The following PCDHA7 variants were observed in gnomAD, a reference collection of about 807,000 sequenced individuals.
The protein encoded by PCDHA7 is protocadherin alpha 7.
A neutral mutation model predicts 57.2 loss-of-function variants in PCDHA7; 37 were observed. The observed-to-expected ratio is 0.65, with a 90% CI of 0.50 to 0.85. The LOEUF is 0.85. Among genes scored for constraint, PCDHA7 ranks in the 40% least tolerant of loss-of-function variants. The pLI, the probability that PCDHA7 is intolerant of heterozygous loss-of-function variation, is 0.00. For synonymous variants in PCDHA7, 553 were observed against 558.8 expected (o/e 0.99, Z 0.15); for missense variants, 1,188 against 1,241.8 (o/e 0.96, Z 0.65).
At chr5:140,862,980 C>T in intron 1 of PCDHA7, 1 of 545,508 alleles carries the variant, frequency 1.8e-6, no homozygotes, top group South Asian at 1.4e-5. Flanking sequence ...CACTTGGTGG[C>T]GAAGGTGCGC....
At chr5:140,982,602 G>A (rs1554244640) in intron 3 of PCDHA7, 39 bp downstream of exon 3, 2 of 1,607,914 alleles carry the variant, frequency 1.2e-6, no homozygotes, top group African/African-American at 2.7e-5. Context: ...CTTGGTTTCT[G>A]GAAAGTGATC....
rs2150240382 is a variant in PCDHA7 at position 140,835,640 on chromosome 5, C to T, written c.1257C>T (p.Ser419=). 4 of 1,613,770 alleles carry T rather than the reference C, an allele frequency of 2.5e-6. No individual in the cohort carries two copies. Among genetic ancestry groups the T allele is most frequent in the Admixed American group, 3.3e-5 (2 of 59,992 alleles). The part of the protein sequence containing the change: ...LDSALDRESV[S]AYELVVTARD... Reference sequence around the variant, plus strand: ...GCGCTCTGGACCGCGAGAGTGTGTCCGCCTATGAGCTGGTGGTTACCGCGC... The same window carrying T: ...GCGCTCTGGACCGCGAGAGTGTGTCTGCCTATGAGCTGGTGGTTACCGCGC... Residue 419 remains serine (S), a synonymous_variant, in exon 1 of 4, where the codon TCC becomes TCT. Transcript: ENST00000525929.
chr5:140,869,374 G>A, intron 1 of PCDHA7: 1 of 1,614,124 alleles, frequency 6.2e-7, no homozygotes, highest in Non-Finnish European at 8.5e-7. Context: ...TTCTCGGATC[G>A]ACCGCGAGGA....
At chr5:141,001,280 G>T (rs1308036863) in intron 3 of PCDHA7, among the ~76,000 whole-genome samples, 2 of 152,162 alleles carry the variant, frequency 1.3e-5, no homozygotes, top group South Asian at 2.1e-4. Context: ...TTTTTTTACG[G>T]ATGAAAACTG....
At chr5:140,953,331 A>G (rs2153698892) in intron 1 of PCDHA7, among the ~76,000 whole-genome samples, 1 of 152,248 alleles carries the variant, frequency 6.6e-6, no homozygotes, top group South Asian at 2.1e-4. Flanking sequence ...CATAGAATTT[A>G]GGGCTCACCT....
chr5:140,887,853 C>G (rs145942561), intron 1 of PCDHA7, among the ~76,000 whole-genome samples: 1 of 152,170 alleles, frequency 6.6e-6, no homozygotes, highest in African/African-American at 2.4e-5. Flanking sequence ...GACATATTTT[C>G]CAAGTTCACT....
intron 1 of PCDHA7, among the ~76,000 whole-genome samples, chr5:140,957,475 A>G (rs2095362490): frequency 6.6e-6 from 1 of 152,192 alleles, no homozygotes; most frequent in Non-Finnish European, 1.5e-5. Flanking sequence ...ATGTATAGGA[A>G]AAAACATAGT....
At chr5:140,884,281 G>C in intron 1 of PCDHA7, 4 of 1,613,614 alleles carry the variant, frequency 2.5e-6, no homozygotes, top group Non-Finnish European at 3.4e-6. Flanking sequence ...CGCTGGTGGA[G>C]AGCGGCCAAG....
chr5:140,972,829 A>G (rs1554234573), intron 1 of PCDHA7, among the ~76,000 whole-genome samples: 1 of 151,808 alleles, frequency 6.6e-6, no homozygotes, highest in Non-Finnish European at 1.5e-5. Flanking sequence ...ACGCCTGGCT[A>G]ATTTTTGTAT....
intron 1 of PCDHA7, chr5:140,875,653 C>T (rs1554167829): frequency 1.2e-6 from 2 of 1,613,682 alleles, no homozygotes; most frequent in East Asian, 2.2e-5. Context: ...GGAGCTGGTG[C>T]CGCGCCTGTT....
rs139533789 is a variant in PCDHA7, at chr5:140,857,716, C to G, written c.2355+20978C>G. ...TGACGCTGCAGGTGTTCGTGCTGGA[C>G]GAGAACGACAACGCTCCCGCGCTGC... On this transcript the variant is annotated intron_variant, in intron 1 of 3. Transcript: ENST00000525929. The G allele has an allele frequency of 3.1e-6, 5 of 1,597,272 alleles. No individual in the cohort carries two copies. Among genetic ancestry groups the G allele is most frequent in the East Asian group, 2.2e-5 (1 of 44,832 alleles).
intron 1 of PCDHA7, chr5:140,871,535 G>GTTTC: frequency 6.6e-7 from 1 of 1,514,054 alleles, no homozygotes; most frequent in Non-Finnish European, 8.9e-7. Flanking sequence ...AAGTGTATGT[G>GTTTC]AAATTATTTA....
intron 3 of PCDHA7, among the ~76,000 whole-genome samples, chr5:140,992,399 A>G (rs1276372325): frequency 1.3e-5 from 2 of 152,138 alleles, no homozygotes; most frequent in Admixed American, 6.6e-5. Context: ...ACTTAGAGAT[A>G]TTGTTCTGCC....
At chr5:140,904,560 T>G (rs2071228381) in intron 1 of PCDHA7, among the ~76,000 whole-genome samples, 1 of 152,102 alleles carries the variant, frequency 6.6e-6, no homozygotes, top group African/African-American at 2.4e-5. Flanking sequence ...AATGACTTTT[T>G]TTTCCTCTGG....
chr5:140,851,812 G>A, intron 1 of PCDHA7: 1 of 953,880 alleles, frequency 1.0e-6, no homozygotes, highest in Non-Finnish European at 1.3e-6. Context: ...TAATCCATAA[G>A]ACAGAAATCT....
intron 1 of PCDHA7, chr5:140,853,694 G>A (rs1425849966): frequency 1.0e-6 from 1 of 988,064 alleles, no homozygotes; most frequent in African/African-American, 1.8e-5. Context: ...CCTTAGACCT[G>A]CTAACGCATT....
chr5:140,870,666 G>T (rs782557554), intron 1 of PCDHA7: 1 of 1,612,662 alleles, frequency 6.2e-7, no homozygotes, highest in Admixed American at 1.7e-5. Context: ...CGCTGCAGCC[G>T]TTGGACCACG....
At chr5:140,869,703 G>A in intron 1 of PCDHA7, 1 of 1,613,428 alleles carries the variant, frequency 6.2e-7, no homozygotes, top group Non-Finnish European at 8.5e-7. Context: ...AGAAGTCTCT[G>A]GATAGAGAGA....
rs2150380151 is a variant in PCDHA7 at position 140,845,602 on chromosome 5, T to C, written c.2355+8864T>C. Among the ~76,000 whole-genome samples, 10 of 149,646 alleles carry C rather than the reference T, an allele frequency of 6.7e-5. 1 individual carries two copies. Among genetic ancestry groups the C allele is most frequent in the African/African-American group, 2.4e-4 (10 of 40,860 alleles). On this transcript the variant is annotated intron_variant, in intron 1 of 3. Coordinates refer to ENST00000525929, the MANE Select transcript of PCDHA7 (RefSeq NM_018910.3). ...TTGAAATGTGTCAGAAGTTAGTTATTAAGTATTGTGGATTCTGAAGCTCTC... is the reference window on the plus strand; with the variant it reads ...TTGAAATGTGTCAGAAGTTAGTTATCAAGTATTGTGGATTCTGAAGCTCTC...
Sources: gnomAD v4.1 joint callset for allele counts (sites outside exome capture counted in the v4.1 genomes callset) on GRCh38, gnomAD v4.1.1 for gene constraint, MANE v1.5 for transcripts, NCBI Gene and HGNC (gene_info 2026-07-23, HGNC 2026-07-21) for gene names.